Variants in ANKRD31 observed in about 807,000 individuals in gnomAD.
ANKRD31 encodes ankyrin repeat domain 31.
Under a neutral mutation model 186.0 loss-of-function variants are expected in ANKRD31, and 147 were observed. That is an observed-to-expected ratio of 0.79 (90% CI 0.69 to 0.91). ANKRD31 has a LOEUF of 0.91. Among genes scored for constraint, ANKRD31 ranks in the 40% least tolerant of loss-of-function variants. The probability of loss-of-function intolerance (pLI) is 0.00; values close to 1 mark genes in which losing one functional copy is unlikely to be tolerated. For missense variants in ANKRD31, 1,986 were observed against 2,148.8 expected (o/e 0.92, Z 1.50); for synonymous variants, 673 against 736.4 (o/e 0.91, Z 1.39).
chr5:75,113,604 C>T (rs1270373504), intron 19 of ANKRD31, among the ~76,000 whole-genome samples: 1 of 152,102 alleles, frequency 6.6e-6, no homozygotes, highest in Admixed American at 6.6e-5. Context: ...ATATACTCTC[C>T]ATACACATTC....
intron 3 of ANKRD31, among the ~76,000 whole-genome samples, chr5:75,211,443 T>C (rs762327419): frequency 3.9e-5 from 6 of 152,234 alleles, no homozygotes; most frequent in Non-Finnish European, 2.9e-5. Flanking sequence ...AATGCTGCCA[T>C]GAACATGTGT....
At chr5:75,140,311 AAGGAAGGAAGGAAGGAAGGT>A (rs1183262168) in intron 15 of ANKRD31, among the ~76,000 whole-genome samples, 2 of 139,624 alleles carry the variant, frequency 1.4e-5, no homozygotes, top group Non-Finnish European at 3.0e-5. Flanking sequence ...GGAAGGAAGG[AAGGAAGGAAGGAAGGAAGGT>A]AGGAAGGAAG....
At chr5:75,165,853 A>G (rs1026117294) in intron 11 of ANKRD31, among the ~76,000 whole-genome samples, 1 of 152,262 alleles carries the variant, frequency 6.6e-6, no homozygotes, top group African/African-American at 2.4e-5. Flanking sequence ...TAACAAACAC[A>G]TATGATGTAT....
intron 17 of ANKRD31, among the ~76,000 whole-genome samples, chr5:75,134,773 A>C (rs1750415082): frequency 1.3e-5 from 2 of 152,216 alleles, no homozygotes; most frequent in African/African-American, 2.4e-5. Context: ...CCTCAGTAAA[A>C]TACTGGCAAA....
chr5:75,102,957 T>A (rs780349890), intron 22 of ANKRD31, among the ~76,000 whole-genome samples: 1 of 152,196 alleles, frequency 6.6e-6, no homozygotes, highest in Non-Finnish European at 1.5e-5. Flanking sequence ...CCCAGTGAGA[T>A]GAACCCTGTA....
intron 22 of ANKRD31, among the ~76,000 whole-genome samples, chr5:75,103,808 G>A (rs542303869): frequency 6.6e-5 from 10 of 152,208 alleles, no homozygotes; most frequent in South Asian, 2.1e-4. Flanking sequence ...ATGAGAACAC[G>A]TGAACACAGG....
Position 75,148,594 on chromosome 5 carries a change from CT to C in ANKRD31, c.1886del (p.Glu629GlyfsTer33). On this transcript the variant is annotated frameshift_variant, in exon 13 of 26. Coordinates refer to ENST00000506364, the MANE Select transcript of ANKRD31 (RefSeq NM_001372053.1). LOFTEE classifies it high-confidence loss of function. ...QRSSIDPLDIEDVYQHKKPKF... is the reference protein window; with the variant it reads ...QRSSIDPLDIXDVYQHKKPKF... The stretch of plus-strand genomic sequence containing the variant: ...GATATACCTTGTGTTGGTACACATC[CT>C]CTATGTCTAGTGGGTCAATGCTACT... 6.6e-7 allele frequency: 1 copy of C among 1,525,226 alleles called. No homozygotes were observed. 94.5% of individuals were successfully genotyped at this position (1,525,226 alleles called of 1,614,324 possible).
intron 17 of ANKRD31, among the ~76,000 whole-genome samples, chr5:75,130,965 A>G (rs1749746135): frequency 6.6e-6 from 1 of 152,218 alleles, no homozygotes; most frequent in Non-Finnish European, 1.5e-5. Flanking sequence ...TGAGAAAGAG[A>G]TGGAGAACCG....
intron 19 of ANKRD31, among the ~76,000 whole-genome samples, chr5:75,114,858 AT>A (rs1454731091): frequency 1.3e-5 from 2 of 152,170 alleles, no homozygotes; most frequent in African/African-American, 4.8e-5. Context: ...ATTCAATGCC[AT>A]CCCCATCAAG....
chr5:75,115,843 C>T (rs981616938), intron 19 of ANKRD31, among the ~76,000 whole-genome samples: 1 of 152,028 alleles, frequency 6.6e-6, no homozygotes, highest in African/African-American at 2.4e-5. Flanking sequence ...TTGTGCAAGT[C>T]AGTGTGGCGA....
intron 10 of ANKRD31, among the ~76,000 whole-genome samples, chr5:75,187,918 T>C (rs1754848070): frequency 6.6e-6 from 1 of 152,116 alleles, no homozygotes; most frequent in Non-Finnish European, 1.5e-5. Flanking sequence ...GTGTATTAAG[T>C]ACTTAAGTAC....
intron 25 of ANKRD31, among the ~76,000 whole-genome samples, chr5:75,071,317 T>C (rs1352262210): frequency 6.7e-6 from 1 of 148,466 alleles, no homozygotes; most frequent in African/African-American, 2.4e-5. Context: ...TATTTAATAA[T>C]ATTTAATATT....
At chr5:75,179,786 G>T (rs1377660842) in intron 10 of ANKRD31, among the ~76,000 whole-genome samples, 1 of 152,100 alleles carries the variant, frequency 6.6e-6, no homozygotes, top group African/African-American at 2.4e-5. Flanking sequence ...ATACTGAATG[G>T]ACAAAAACTA....
intron 25 of ANKRD31, among the ~76,000 whole-genome samples, chr5:75,070,354 T>C (rs1446187629): frequency 2.0e-5 from 3 of 152,244 alleles, no homozygotes; most frequent in Admixed American, 1.3e-4. Context: ...CTCTATAAGA[T>C]ACTATCCCCC....
intron 1 of ANKRD31, among the ~76,000 whole-genome samples, chr5:75,234,618 G>C (rs1198530247): frequency 6.6e-6 from 1 of 152,192 alleles, no homozygotes; most frequent in Non-Finnish European, 1.5e-5. Context: ...CAAGGTGTTT[G>C]ATTGTTTTGT....
intron 22 of ANKRD31, among the ~76,000 whole-genome samples, chr5:75,096,701 C>A (rs7718222): frequency 0.51 from 77,116 of 151,714 alleles, 22,637 homozygotes; most frequent in African/African-American, 0.82. Flanking sequence ...TCTAGGGTAC[C>A]TGTGCACAAC....
Position 75,118,071 on chromosome 5 carries a change from C to T in ANKRD31, c.4039+64G>A, listed in dbSNP as rs146069313. The T allele has an allele frequency of 1.6e-4, 189 of 1,202,166 alleles. 1 individual carries two copies. The African/African-American group carries it at 2.6e-3, about 17-fold the overall frequency. The allele number at this position is 1,202,166 out of a possible 1,614,324, so 74.5% of individuals were successfully genotyped here. A position where few individuals can be genotyped will look rare whatever the true frequency, so the allele number is the denominator to read the frequency against. On this transcript the variant is annotated intron_variant, in intron 18 of 25. Coordinates refer to ENST00000506364, the MANE Select transcript of ANKRD31 (RefSeq NM_001372053.1). ...TTATGAAACAATTTACACAACAAAT[C>T]AGAAGATTTTCCTAAGCAGAGATAT...
At chr5:75,101,564 C>T (rs1283391425) in intron 22 of ANKRD31, among the ~76,000 whole-genome samples, 1 of 152,112 alleles carries the variant, frequency 6.6e-6, no homozygotes, top group Non-Finnish European at 1.5e-5. Flanking sequence ...TTCAGATACA[C>T]CAATTAGATG....
rs1561476612 is a variant in ANKRD31, at chr5:75,147,023, A to C, written c.2388T>G (p.Asp796Glu). ...LTLSSLRNGL[D>E]SSTEACSVSK... is the part of the protein sequence containing the mutation. The stretch of plus-strand genomic sequence containing the variant: ...AAACTGAACAAGCCTCAGTACTGCT[A>C]TCTAATCCATTTCTCAGGCTTGACA... The change falls in exon 14 of 26, where the codon GAT becomes GAG. Residue 796 changes from aspartate (D) to glutamate (E), a missense_variant. Coordinates refer to ENST00000506364, the MANE Select transcript of ANKRD31 (RefSeq NM_001372053.1). 5 of 1,536,288 alleles carry C rather than the reference A, an allele frequency of 3.3e-6. No individual in the cohort carries two copies. The Admixed American group carries it at 9.8e-5, about 30-fold the overall frequency.
Sources: gnomAD v4.1 joint callset for allele counts (sites outside exome capture counted in the v4.1 genomes callset) on GRCh38, gnomAD v4.1.1 for gene constraint, MANE v1.5 for transcripts, NCBI Gene and HGNC (gene_info 2026-07-23, HGNC 2026-07-21) for gene names.